Variants in ASCC3 observed in about 807,000 individuals in gnomAD.
ASCC3 encodes the protein activating signal cointegrator 1 complex subunit 3, also known as ASC-1 complex subunit P200.
A neutral mutation model predicts 256.3 loss-of-function variants in ASCC3; 158 were observed. The observed-to-expected ratio is 0.62, with a 90% CI of 0.54 to 0.70. The LOEUF is 0.70. Ranked by LOEUF, ASCC3 falls within the 30% of genes least tolerant of loss-of-function variation. The probability of loss-of-function intolerance (pLI) is 0.00; values close to 1 mark genes in which losing one functional copy is unlikely to be tolerated. For synonymous variants in ASCC3, 948 were observed against 883.4 expected (o/e 1.07, Z -1.30); for missense variants, 2,259 against 2,626.0 (o/e 0.86, Z 3.05).
intron 10 of ASCC3, among the ~76,000 whole-genome samples, chr6:100,726,965 C>T (rs377491742): frequency 3.3e-5 from 5 of 152,148 alleles, no homozygotes; most frequent in South Asian, 2.1e-4. Context: ...TTATAAACCA[C>T]GATTATGCCA....
chr6:100,873,261 T>C (rs990386407), intron 1 of ASCC3, among the ~76,000 whole-genome samples: 7 of 151,984 alleles, frequency 4.6e-5, no homozygotes, highest in East Asian at 1.9e-4. Context: ...AGCAATAAAA[T>C]TGAACAAGCA....
intron 34 of ASCC3, among the ~76,000 whole-genome samples, chr6:100,601,406 G>A (rs1043904578): frequency 5.3e-5 from 8 of 151,856 alleles, no homozygotes; most frequent in Non-Finnish European, 1.0e-4. Context: ...ATTTTCTCTT[G>A]CAATATTCTT....
At chr6:100,510,698 A>C (rs1773716609) in intron 40 of ASCC3, among the ~76,000 whole-genome samples, 1 of 152,226 alleles carries the variant, frequency 6.6e-6, no homozygotes, top group Non-Finnish European at 1.5e-5. Context: ...GGGCAATTTT[A>C]AGTCAAGCAA....
chr6:100,584,053 T>A (rs1379227282), intron 36 of ASCC3, among the ~76,000 whole-genome samples: 4 of 151,654 alleles, frequency 2.6e-5, no homozygotes, highest in Non-Finnish European at 5.9e-5. Flanking sequence ...CTGAAAAAAA[T>A]GTATATTCTG....
intron 10 of ASCC3, among the ~76,000 whole-genome samples, chr6:100,741,843 G>A (rs1780450955): frequency 6.6e-6 from 1 of 152,184 alleles, no homozygotes; most frequent in Non-Finnish European, 1.5e-5. Flanking sequence ...TTAGCTCAGT[G>A]AAGTTTGTTA....
intron 14 of ASCC3, among the ~76,000 whole-genome samples, chr6:100,668,100 C>T (rs1776571882): frequency 6.6e-6 from 1 of 152,022 alleles, no homozygotes; most frequent in African/African-American, 2.4e-5. Context: ...CAATTTGTTA[C>T]AGATTGTCTA....
intron 10 of ASCC3, among the ~76,000 whole-genome samples, chr6:100,733,898 T>C (rs549726860): frequency 1.4e-3 from 215 of 152,298 alleles, no homozygotes; most frequent in African/African-American, 4.8e-3. Flanking sequence ...GCTTACTATA[T>C]ATATCCCTTT....
chr6:100,828,527 G>A (rs1771444492), intron 4 of ASCC3, among the ~76,000 whole-genome samples: 1 of 151,884 alleles, frequency 6.6e-6, no homozygotes, highest in African/African-American at 2.4e-5. Context: ...AGCTCTTAAG[G>A]TGGCGCATCT....
At chr6:100,568,204 C>A (rs1348276685) in intron 36 of ASCC3, among the ~76,000 whole-genome samples, 1 of 151,838 alleles carries the variant, frequency 6.6e-6, no homozygotes, top group Non-Finnish European at 1.5e-5. Flanking sequence ...CCCATCTCAA[C>A]TAAAACTATA....
intron 4 of ASCC3, among the ~76,000 whole-genome samples, chr6:100,811,033 T>C (rs959260828): frequency 3.3e-5 from 5 of 152,060 alleles, no homozygotes; most frequent in Non-Finnish European, 7.4e-5. Flanking sequence ...AAGAGGAGGA[T>C]TTTTGTCCAT....
rs1373461653 is a variant in ASCC3, at chr6:100,756,365, TTTAAC to T, written c.1737+10195_1737+10199del. The stretch of plus-strand genomic sequence containing the variant: ...CAACTTTTAATTTAATTTAATTTAA[TTTAAC>T]TTAAGTAATTCAGTAAAAGCTTGCA... On this transcript the variant is annotated intron_variant, in intron 10 of 41. Coordinates refer to ENST00000369162, the MANE Select transcript of ASCC3 (RefSeq NM_006828.4). Among the ~76,000 whole-genome samples the T allele has an allele frequency of 5.3e-5, 8 of 152,246 alleles. No homozygotes were observed. The East Asian group carries it at 9.6e-4, about 18-fold the overall frequency.
chr6:100,812,567 T>C (rs1770525709), intron 4 of ASCC3, among the ~76,000 whole-genome samples: 2 of 151,834 alleles, frequency 1.3e-5, no homozygotes, highest in South Asian at 4.2e-4. Context: ...AAGGATTCAA[T>C]AGTAGAGTCA....
chr6:100,796,327 C>G (rs1395440297), intron 8 of ASCC3, among the ~76,000 whole-genome samples: 1 of 152,092 alleles, frequency 6.6e-6, no homozygotes, highest in Non-Finnish European at 1.5e-5. Flanking sequence ...TATGACCCAG[C>G]AAATGCATTC....
chr6:100,509,294 T>C lies in ASCC3; in HGVS notation c.*92A>G, dbSNP rs1468707157. The C allele has an allele frequency of 3.9e-6, 6 of 1,551,032 alleles. No individual in the cohort carries two copies. The highest frequency in any genetic ancestry group is 4.4e-6 in the Non-Finnish European group (5 of 1,125,500). The stretch of plus-strand genomic sequence containing the variant: ...ATGGTTGAGGTTAGAAGTTGATTCT[T>C]TCAAGGCAAACATCAAGTAATTCGA... On this transcript the variant is annotated 3_prime_UTR_variant, in exon 42 of 42. Transcript: ENST00000369162.
At chr6:100,615,010 T>C (rs1773594153) in intron 30 of ASCC3, among the ~76,000 whole-genome samples, 1 of 152,166 alleles carries the variant, frequency 6.6e-6, no homozygotes, top group Non-Finnish European at 1.5e-5. Context: ...TATTTTTTTT[T>C]TCCTTTTCTT....
chr6:100,517,989 A>G lies in ASCC3; in HGVS notation c.5927+2T>C. Reference sequence around the variant, plus strand: ...AATTACATTGAAAAGTAAAACAATTACTTGAAAAGGTGAAGATGATGGTTT... The same window carrying G: ...AATTACATTGAAAAGTAAAACAATTGCTTGAAAAGGTGAAGATGATGGTTT... On this transcript the variant is annotated splice_donor_variant, in intron 38 of 41. Transcript: ENST00000369162. LOFTEE classifies it high-confidence loss of function. 1 of 1,612,950 alleles carries G rather than the reference A, an allele frequency of 6.2e-7. No individual in the cohort carries two copies. Among genetic ancestry groups the G allele is most frequent in the South Asian group, 1.1e-5 (1 of 91,024 alleles).
At chr6:100,691,134 C>T (rs995078736) in intron 13 of ASCC3, among the ~76,000 whole-genome samples, 2 of 151,884 alleles carry the variant, frequency 1.3e-5, no homozygotes, top group African/African-American at 2.4e-5. Flanking sequence ...TGTACCATGA[C>T]AGCAAAAATA....
At chr6:100,517,083 C>T (rs577745710) in intron 38 of ASCC3, among the ~76,000 whole-genome samples, 90 of 152,136 alleles carry the variant, frequency 5.9e-4, no homozygotes, top group African/African-American at 1.9e-3. Flanking sequence ...TGGTATGGCA[C>T]GCTCTCTGAG....
chr6:100,655,269 C>G (rs1775863007), intron 17 of ASCC3, among the ~76,000 whole-genome samples: 1 of 151,626 alleles, frequency 6.6e-6, no homozygotes, highest in Admixed American at 6.6e-5. Context: ...GATAGTAACT[C>G]CTTAATGGTA....
Sources: allele counts gnomAD v4.1 joint callset (sites outside exome capture counted in the v4.1 genomes callset), GRCh38; gene constraint gnomAD v4.1.1; transcripts MANE v1.5; gene names NCBI Gene and HGNC (gene_info 2026-07-23, HGNC 2026-07-21).